Variants in PALM observed in about 807,000 individuals in gnomAD.
The protein encoded by PALM is paralemmin.
In PALM, 18 loss-of-function variants were observed where a neutral mutation model predicts 30.7. The observed-to-expected ratio is 0.59, with a 90% CI of 0.41 to 0.87. The LOEUF is 0.87. Ranked by LOEUF, PALM falls within the 40% of genes least tolerant of loss-of-function variation. The pLI is 0.00. For missense variants in PALM, 529 were observed against 555.4 expected, an observed-to-expected ratio of 0.95 and a Z score of 0.48; for synonymous variants, 286 against 242.8, an observed-to-expected ratio of 1.18 and a Z score of -1.66.
At position 742,202 on chromosome 19, in the gene PALM, T is replaced by C. The variant is rs2033213621; in HGVS notation, c.634+1719T>C. Among the ~76,000 whole-genome samples, 1 of 151,934 alleles carries C rather than the reference T, an allele frequency of 6.6e-6. No homozygotes were observed. Among genetic ancestry groups the C allele is most frequent in the African/African-American group, 2.4e-5 (1 of 41,368 alleles). On this transcript the variant is annotated intron_variant, in intron 8 of 8. Transcript: ENST00000338448. The surrounding 1 kb of genome is among the most constrained non-coding windows in gnomAD (Gnocchi z 5.5). Reference sequence around the variant, plus strand: ...AAGCCCCATCCCCATCAGCTGTCACTTCCTGTCCCCTCCCCAGTCAGCGTC... The same window carrying C: ...AAGCCCCATCCCCATCAGCTGTCACCTCCTGTCCCCTCCCCAGTCAGCGTC...
At chr19:725,486 A>G (rs1027977347) in intron 1 of PALM, among the ~76,000 whole-genome samples, 20 of 152,236 alleles carry the variant, frequency 1.3e-4, no homozygotes, top group African/African-American at 3.8e-4. Context: ...GCTTGAACCC[A>G]GGAGGCGGAG....
Position 742,260 on chromosome 19 carries a change from C to T in PALM, c.634+1777C>T, listed in dbSNP as rs747461771. 3.3e-5 allele frequency among the ~76,000 whole-genome samples: 5 copies of T among 152,208 alleles called. No individual in the cohort carries two copies. In the East Asian group the frequency reaches 5.8e-4, roughly 18 times the overall value. ...ATCCCCTCCCCAGCTCTGGCACCCACGCATCCCCTCCTGTCTCTCTGGATT... is the reference window on the plus strand; with the variant it reads ...ATCCCCTCCCCAGCTCTGGCACCCATGCATCCCCTCCTGTCTCTCTGGATT... On this transcript the variant is annotated intron_variant, in intron 8 of 8. Coordinates refer to ENST00000338448, the MANE Select transcript of PALM (RefSeq NM_002579.3). The surrounding 1 kb of genome is among the most constrained non-coding windows in gnomAD (Gnocchi z 5.5).
At chr19:726,984 G>GTGCC in intron 2 of PALM, 24 bp from the exon 3 acceptor site, 1 of 1,183,058 alleles carries the variant, frequency 8.5e-7, no homozygotes. Flanking sequence ...GCCCATCCCT[G>GTGCC]ACCCCACCCG....
intron 8 of PALM, among the ~76,000 whole-genome samples, chr19:744,872 C>T (rs1377063875): frequency 3.1e-5 from 4 of 129,270 alleles, no homozygotes; most frequent in East Asian, 2.2e-4. Flanking sequence ...CCACCCTGGG[C>T]GACAGAGGGA....
intron 1 of PALM, among the ~76,000 whole-genome samples, chr19:723,826 C>T (rs1179376957): frequency 1.3e-5 from 2 of 152,072 alleles, no homozygotes; most frequent in Admixed American, 6.6e-5. Flanking sequence ...GAACTTCCGA[C>T]CTCAGGTAAT....
chr19:729,833 C>T (rs1053202535), intron 4 of PALM, among the ~76,000 whole-genome samples: 9 of 152,092 alleles, frequency 5.9e-5, no homozygotes, highest in African/African-American at 9.7e-5. Flanking sequence ...ATGTTCAGAC[C>T]GAGGTGGGGC....
intron 7 of PALM, among the ~76,000 whole-genome samples, chr19:739,567 G>A (rs1224807536): frequency 6.6e-6 from 1 of 152,180 alleles, no homozygotes; most frequent in African/African-American, 2.4e-5. Flanking sequence ...TGTGGTCCCA[G>A]CTACTTGGGA....
At chr19:718,706 G>A (rs998954112) in intron 1 of PALM, among the ~76,000 whole-genome samples, 3 of 152,132 alleles carry the variant, frequency 2.0e-5, no homozygotes, top group South Asian at 2.1e-4. Flanking sequence ...CCTCCGTGCT[G>A]CATCCTGGGA....
intron 1 of PALM, among the ~76,000 whole-genome samples, chr19:712,284 A>G (rs1599131755): frequency 6.6e-6 from 1 of 151,878 alleles, no homozygotes; most frequent in Non-Finnish European, 1.5e-5. Flanking sequence ...CGGCCTCCCC[A>G]AAGTGTTGGG....
intron 3 of PALM, among the ~76,000 whole-genome samples, chr19:727,297 A>AC (rs1568225515): frequency 1.6e-5 from 2 of 126,722 alleles, no homozygotes; most frequent in Non-Finnish European, 3.3e-5. Context: ...CCTGACCCTG[A>AC]CCCCGACCCT....
chr19:718,998 C>G, intron 1 of PALM: 1 of 348,336 alleles, frequency 2.9e-6, no homozygotes. Context: ...CCCTGCTGCC[C>G]CCGCACCCCA....
Position 740,472 on chromosome 19 carries a change from A to T in PALM, c.623A>T (p.Asp208Val). ...PLPLGIKVYE[D>V]ETKVVHAVDG... is the part of the protein sequence containing the mutation. ...CCTCTGGGCATCAAAGTCTACGAGG[A>T]CGAGACCAAAGGTACGAGCACCCCG... The change falls in exon 8 of 9, where the codon GAC (aspartate) becomes GTC (valine). Residue 208 changes from aspartate (D) to valine (V), a missense_variant. By Grantham distance (152) the Asp-to-Val change is radical. Transcript: ENST00000338448. 6.4e-7 allele frequency: 1 copy of T among 1,551,622 alleles called. No homozygotes were observed. Among genetic ancestry groups the T allele is most frequent in the Non-Finnish European group, 8.7e-7 (1 of 1,147,096 alleles).
At chr19:713,624 G>C (rs900976073) in intron 1 of PALM, among the ~76,000 whole-genome samples, 2 of 152,218 alleles carry the variant, frequency 1.3e-5, no homozygotes, top group Non-Finnish European at 2.9e-5. Context: ...TGTCACCCAG[G>C]CTGGAGCACA....
At chr19:736,692 A>G (rs1568231013) in intron 7 of PALM, among the ~76,000 whole-genome samples, 1 of 152,196 alleles carries the variant, frequency 6.6e-6, no homozygotes, top group Admixed American at 6.5e-5. Context: ...ACAGGAGCCC[A>G]ATAATGAGAA....
chr19:718,361 G>A (rs2032337807), intron 1 of PALM, among the ~76,000 whole-genome samples: 1 of 152,170 alleles, frequency 6.6e-6, no homozygotes, highest in African/African-American at 2.4e-5. Flanking sequence ...AATGCAGCCA[G>A]CACAATGGCC....
At chr19:731,326 C>A in intron 5 of PALM, 81 bp downstream of exon 5, 1 of 1,299,556 alleles carries the variant, frequency 7.7e-7, no homozygotes, top group South Asian at 1.4e-5. Context: ...CCTTCCATGT[C>A]AGCGTAGCTG....
At chr19:715,030 G>A (rs963574810) in intron 1 of PALM, among the ~76,000 whole-genome samples, 7 of 152,150 alleles carry the variant, frequency 4.6e-5, no homozygotes, top group African/African-American at 1.4e-4. Flanking sequence ...TTGGAAGGCC[G>A]AGGCAGGAGG....
At chr19:712,731 A>G (rs2144841440) in intron 1 of PALM, among the ~76,000 whole-genome samples, 1 of 149,370 alleles carries the variant, frequency 6.7e-6, no homozygotes, top group East Asian at 2.0e-4. Context: ...ACTGGAGTGC[A>G]GTGGCGCGAT....
At chr19:730,893 C>G (rs189226152) in intron 4 of PALM, among the ~76,000 whole-genome samples, 1 of 152,006 alleles carries the variant, frequency 6.6e-6, no homozygotes, top group Non-Finnish European at 1.5e-5. Context: ...CCCAGCTACT[C>G]GAGACCCTGA....
Sources: allele counts gnomAD v4.1 joint callset (sites outside exome capture counted in the v4.1 genomes callset), GRCh38; gene constraint gnomAD v4.1.1; non-coding constraint Gnocchi (gnomAD v3.1); transcripts MANE v1.5; gene names NCBI Gene and HGNC (gene_info 2026-07-23, HGNC 2026-07-21).